Variants in LAMA4 observed in about 807,000 individuals in gnomAD.
The protein encoded by LAMA4 is laminin subunit alpha 4.
Under a neutral mutation model 207.1 loss-of-function variants are expected in LAMA4, and 127 were observed. The ratio of observed to expected loss-of-function variants is 0.61; its 90% CI spans 0.53 to 0.71. LAMA4 has a LOEUF of 0.71. Ranked by LOEUF, LAMA4 falls within the 30% of genes least tolerant of loss-of-function variation. LAMA4 has a pLI of 0.00. For synonymous variants in LAMA4, 761 were observed against 816.0 expected (o/e 0.93, Z 1.15); for missense variants, 2,093 against 2,246.5 (o/e 0.93, Z 1.38).
intron 24 of LAMA4, among the ~76,000 whole-genome samples, chr6:112,136,691 C>CAAAAA (rs57602663): frequency 8.5e-6 from 1 of 118,192 alleles, no homozygotes; most frequent in East Asian, 2.2e-4. Context: ...GACTCTGTCT[C>CAAAAA]AAAAAAAAAA....
At chr6:112,148,960 A>G (rs1268814350) in intron 17 of LAMA4, among the ~76,000 whole-genome samples, 1 of 147,006 alleles carries the variant, frequency 6.8e-6, no homozygotes, top group African/African-American at 2.5e-5. Context: ...AATTTTATAA[A>G]TTTGAAGTTG....
At chr6:112,186,391 A>G (rs1397101383) in intron 8 of LAMA4, among the ~76,000 whole-genome samples, 1 of 152,248 alleles carries the variant, frequency 6.6e-6, no homozygotes, top group African/African-American at 2.4e-5. Flanking sequence ...TAACAAAGCA[A>G]AACAATGTGC....
chr6:112,160,970 C>A (rs890408327), intron 13 of LAMA4, among the ~76,000 whole-genome samples: 2 of 152,218 alleles, frequency 1.3e-5, no homozygotes, highest in African/African-American at 2.4e-5. Flanking sequence ...TCTTCTCTCA[C>A]CAATTTCATC....
At chr6:112,132,659 A>T (rs1470043837) in intron 28 of LAMA4, 94 bp downstream of exon 28, 2 of 1,210,530 alleles carry the variant, frequency 1.7e-6, no homozygotes, top group Non-Finnish European at 2.4e-6. Flanking sequence ...ATTAATCTGA[A>T]TAGAAAATCA....
Position 112,136,252 on chromosome 6 carries a change from A to T in LAMA4, c.3285T>A (p.Ser1095Arg). The T allele has an allele frequency of 6.2e-7, 1 of 1,610,384 alleles. No homozygotes were observed. Among genetic ancestry groups the T allele is most frequent in the Non-Finnish European group, 8.5e-7 (1 of 1,177,172 alleles). ...NGLILLMVNG[S>R]MFFRLEMRNG... ...TGCGCATTTCCAGTCTGAAAAACAT[A>T]CTCTGAGGAGAGAAAGGAATTGTAA... Residue 1095 changes from serine to arginine, a missense_variant and splice_region_variant, in exon 25 of 39, where the codon AGT (serine) becomes AGA (arginine). By Grantham distance (110) the Ser-to-Arg change is moderately radical. This residue lies in a region of LAMA4 where 1,704 missense variants were observed against 1,788.4 expected (regional missense o/e 0.95). Coordinates refer to ENST00000230538, the MANE Select transcript of LAMA4 (RefSeq NM_001105206.3).
At chr6:112,168,604 C>G (rs1781536309) in intron 12 of LAMA4, among the ~76,000 whole-genome samples, 1 of 151,920 alleles carries the variant, frequency 6.6e-6, no homozygotes, top group Non-Finnish European at 1.5e-5. Context: ...CCTTGGCCTC[C>G]CAAAGTGCAG....
chr6:112,236,167 C>CG (rs1785905625), intron 2 of LAMA4: 1 of 152,152 alleles, frequency 6.6e-6, no homozygotes, highest in African/African-American at 2.4e-5. Flanking sequence ...TGTGTGGGAA[C>CG]TTGGGGAAGT....
intron 31 of LAMA4, among the ~76,000 whole-genome samples, chr6:112,123,580 T>C (rs1221213644): frequency 1.3e-5 from 2 of 152,142 alleles, no homozygotes; most frequent in Non-Finnish European, 2.9e-5. Flanking sequence ...AAATAGTGTT[T>C]TAGCTAAATC....
chr6:112,121,760 T>C (rs1778373560), intron 32 of LAMA4: 1 of 411,626 alleles, frequency 2.4e-6, no homozygotes, highest in African/African-American at 2.0e-5. Flanking sequence ...CTTTCCTTGA[T>C]TGTCTTTTCT....
chr6:112,157,642 T>C (rs1461968215), intron 14 of LAMA4, among the ~76,000 whole-genome samples: 1 of 152,180 alleles, frequency 6.6e-6, no homozygotes, highest in East Asian at 1.9e-4. Flanking sequence ...AGTGGCATTA[T>C]ACACAGAAGT....
chr6:112,159,915 G>A (rs991369657), intron 13 of LAMA4, among the ~76,000 whole-genome samples: 8 of 152,104 alleles, frequency 5.3e-5, no homozygotes, highest in African/African-American at 1.9e-4. Flanking sequence ...GAAAGCCTGA[G>A]TTTTCCTGTG....
intron 27 of LAMA4, 27 bp from the exon 28 acceptor site, chr6:112,132,917 T>C (rs970679598): frequency 6.2e-7 from 1 of 1,610,456 alleles, no homozygotes; most frequent in Non-Finnish European, 8.5e-7. Context: ...GTGGAGATAG[T>C]GTTTTTGAGA....
At chr6:112,243,193 G>C (rs1554188026) in intron 2 of LAMA4, among the ~76,000 whole-genome samples, 1 of 152,164 alleles carries the variant, frequency 6.6e-6, no homozygotes, top group East Asian at 1.9e-4. Flanking sequence ...TGTCACCTTG[G>C]AGAGGCTCAT....
rs1778095131 is a variant in LAMA4 at position 112,117,576 on chromosome 6, G to A, written c.4981+163C>T. Among the ~76,000 whole-genome samples, 1 of 152,180 alleles carries A rather than the reference G, an allele frequency of 6.6e-6. No homozygotes were observed. The highest frequency in any genetic ancestry group is 6.5e-5 in the Admixed American group (1 of 15,276). On this transcript the variant is annotated intron_variant, in intron 35 of 38. Coordinates refer to ENST00000230538, the MANE Select transcript of LAMA4 (RefSeq NM_001105206.3). The surrounding 1 kb of genome is among the most constrained non-coding windows in gnomAD (Gnocchi z 4.5). Reference sequence around the variant, plus strand: ...TACAGGGATGGGGACTGCATGTATGGTTTGGAGTGCAGGAGGGAGAAAGGT... The same window carrying A: ...TACAGGGATGGGGACTGCATGTATGATTTGGAGTGCAGGAGGGAGAAAGGT...
At chr6:112,221,310 T>C (rs568372489) in intron 2 of LAMA4, among the ~76,000 whole-genome samples, 1 of 152,224 alleles carries the variant, frequency 6.6e-6, no homozygotes, top group African/African-American at 2.4e-5. Context: ...TTATTTGCAT[T>C]GTGTTTCCAA....
At chr6:112,115,462 A>AGT in intron 36 of LAMA4, among the ~76,000 whole-genome samples, 1 of 152,304 alleles carries the variant, frequency 6.6e-6, no homozygotes, top group Non-Finnish European at 1.5e-5. Flanking sequence ...TAATATGTAT[A>AGT]GTATATATAC....
intron 12 of LAMA4, among the ~76,000 whole-genome samples, chr6:112,169,940 G>A (rs957673785): frequency 6.6e-6 from 1 of 152,216 alleles, no homozygotes; most frequent in South Asian, 2.1e-4. Flanking sequence ...CCAACCACCA[G>A]CAAATCGGCT....
At chr6:112,207,176 G>A (rs1321677833) in intron 3 of LAMA4, 31 bp from the exon 4 acceptor site, 12 of 1,612,878 alleles carry the variant, frequency 7.4e-6, no homozygotes, top group Non-Finnish European at 1.0e-5. Context: ...AGATTGACAA[G>A]GATGCGAAAG....
intron 5 of LAMA4, among the ~76,000 whole-genome samples, chr6:112,194,103 T>C (rs765181445): frequency 1.2e-4 from 18 of 152,234 alleles, no homozygotes; most frequent in Non-Finnish European, 1.9e-4. Flanking sequence ...CTCAGATTTA[T>C]AGGCCTGCAG....
Sources: gnomAD v4.1 joint callset for allele counts (sites outside exome capture counted in the v4.1 genomes callset) on GRCh38, gnomAD v4.1.1 for gene constraint, gnomAD v4.1.1 regional missense constraint, Gnocchi (gnomAD v3.1) non-coding constraint, MANE v1.5 for transcripts, NCBI Gene and HGNC (gene_info 2026-07-23, HGNC 2026-07-21) for gene names.